DDX10: variants seen among roughly 807,000 people sequenced by gnomAD.
DDX10 encodes probable ATP-dependent RNA helicase DDX10.
Under a neutral mutation model 104.3 loss-of-function variants are expected in DDX10, and 74 were observed. The observed-to-expected ratio is 0.71, with a 90% CI of 0.59 to 0.86. The LOEUF (loss-of-function observed/expected upper bound fraction) is 0.86, where lower values mean the gene tolerates loss of function less well. Ranked by LOEUF, DDX10 falls within the 40% of genes least tolerant of loss-of-function variation. DDX10 has a pLI of 0.00. For missense variants in DDX10, 952 were observed against 1,040.0 expected, an observed-to-expected ratio of 0.92 and a Z score of 1.16; for synonymous variants, 351 against 353.4, an observed-to-expected ratio of 0.99 and a Z score of 0.08.
At chr11:108,830,496 C>T (rs1047726162) in intron 13 of DDX10, among the ~76,000 whole-genome samples, 3 of 152,094 alleles carry the variant, frequency 2.0e-5, no homozygotes, top group Non-Finnish European at 4.4e-5. Flanking sequence ...CAGCAAACAG[C>T]GACAGTTTGA....
chr11:108,733,805 T>C (rs2094315165), intron 13 of DDX10, among the ~76,000 whole-genome samples: 2 of 152,162 alleles, frequency 1.3e-5, no homozygotes, highest in African/African-American at 4.8e-5. Flanking sequence ...CTGAGTCATC[T>C]TCCTGTGAAC....
Position 108,833,813 on chromosome 11 carries a change from C to T in DDX10, c.1966-4633C>T, listed in dbSNP as rs115446829. Among the ~76,000 whole-genome samples, 432 of 152,186 alleles carry T rather than the reference C, an allele frequency of 2.8e-3. 2 individuals carry two copies. Among genetic ancestry groups the T allele is most frequent in the African/African-American group, 9.1e-3 (376 of 41,532 alleles). On this transcript the variant is annotated intron_variant, in intron 13 of 17. Transcript: ENST00000322536. Reference sequence around the variant, plus strand: ...TGGTTTCATTTTTCTGATTTTTCCCCCTTCTTTCTAGACTGGGCTATTGTG... The same window carrying T: ...TGGTTTCATTTTTCTGATTTTTCCCTCTTCTTTCTAGACTGGGCTATTGTG...
chr11:108,918,304 TTCTTA>T (rs1863779587), intron 17 of DDX10: 1 of 395,626 alleles, frequency 2.5e-6, no homozygotes, highest in Non-Finnish European at 4.4e-6. Flanking sequence ...TTTTTTTTTT[TTCTTA>T]TCTTTCTCTG....
At chr11:108,841,235 C>A in intron 14 of DDX10, 80 bp from the exon 15 acceptor site, 2 of 1,249,492 alleles carry the variant, frequency 1.6e-6, no homozygotes, top group Non-Finnish European at 2.3e-6. Flanking sequence ...TGCACCTTTT[C>A]AGAATCATCA....
At chr11:108,779,662 G>A (rs2466935) in intron 13 of DDX10, among the ~76,000 whole-genome samples, 20,229 of 151,832 alleles carry the variant, frequency 0.13, 1,645 homozygotes, top group East Asian at 0.27. Context: ...AGAACTTAAA[G>A]TAAAATAAAA....
intron 16 of DDX10, among the ~76,000 whole-genome samples, chr11:108,907,058 C>T (rs1258119842): frequency 6.6e-6 from 1 of 152,150 alleles, no homozygotes; most frequent in Non-Finnish European, 1.5e-5. Context: ...GGAATATGCT[C>T]TTTAGGGCTT....
intron 17 of DDX10, among the ~76,000 whole-genome samples, chr11:108,926,411 G>C (rs1259831151): frequency 6.6e-6 from 1 of 152,222 alleles, no homozygotes; most frequent in African/African-American, 2.4e-5. Context: ...ATGTGAAGTA[G>C]TGGTATGATG....
At chr11:108,932,930 C>G (rs1360143743) in intron 17 of DDX10, among the ~76,000 whole-genome samples, 1 of 151,950 alleles carries the variant, frequency 6.6e-6, no homozygotes, top group African/African-American at 2.4e-5. Flanking sequence ...GGAGATCCTA[C>G]TGTTACTGCA....
At chr11:108,703,207 A>G (rs191587615) in intron 9 of DDX10, among the ~76,000 whole-genome samples, 45 of 152,332 alleles carry the variant, frequency 3.0e-4, no homozygotes, top group African/African-American at 1.0e-3. Context: ...CTATTCCACA[A>G]TGTGTGTATA....
chr11:108,927,768 G>A (rs1863926929), intron 17 of DDX10, among the ~76,000 whole-genome samples: 1 of 152,080 alleles, frequency 6.6e-6, no homozygotes, highest in South Asian at 2.1e-4. Context: ...CTCCCGAGTA[G>A]CTGGGACTAC....
At chr11:108,791,702 C>T (rs1355500231) in intron 13 of DDX10, among the ~76,000 whole-genome samples, 1 of 152,182 alleles carries the variant, frequency 6.6e-6, no homozygotes, top group African/African-American at 2.4e-5. Context: ...GAATGGAAAC[C>T]TTGTTTCTCT....
intron 13 of DDX10, among the ~76,000 whole-genome samples, chr11:108,819,702 G>A (rs1316563770): frequency 6.6e-6 from 1 of 151,956 alleles, no homozygotes; most frequent in Non-Finnish European, 1.5e-5. Context: ...AGGTTCAAGC[G>A]ATTCTCCTGC....
intron 16 of DDX10, among the ~76,000 whole-genome samples, chr11:108,903,424 T>C (rs1445996293): frequency 2.6e-5 from 4 of 152,152 alleles, no homozygotes; most frequent in East Asian, 3.8e-4. Flanking sequence ...CATTTGGCTT[T>C]CCATATCTGT....
intron 16 of DDX10, among the ~76,000 whole-genome samples, chr11:108,908,517 T>G (rs1272489681): frequency 6.6e-6 from 1 of 152,224 alleles, no homozygotes; most frequent in East Asian, 1.9e-4. Context: ...TATTTTGTTT[T>G]TATGAATGCT....
intron 16 of DDX10, among the ~76,000 whole-genome samples, chr11:108,874,337 G>A (rs1334128596): frequency 1.3e-5 from 2 of 152,170 alleles, no homozygotes; most frequent in Non-Finnish European, 2.9e-5. Context: ...TACTTTAGAT[G>A]CCATTCTCAT....
chr11:108,764,702 C>T (rs1180304001), intron 13 of DDX10, among the ~76,000 whole-genome samples: 1 of 152,020 alleles, frequency 6.6e-6, no homozygotes, highest in African/African-American at 2.4e-5. Context: ...AGAATAGCTA[C>T]CCTGATACTG....
At chr11:108,856,129 A>C (rs1198091323) in intron 16 of DDX10, among the ~76,000 whole-genome samples, 2 of 152,130 alleles carry the variant, frequency 1.3e-5, no homozygotes, top group East Asian at 3.9e-4. Flanking sequence ...AGTAGTAGTT[A>C]ATTAATTTTA....
intron 16 of DDX10, among the ~76,000 whole-genome samples, chr11:108,854,541 T>G (rs1318770165): frequency 6.6e-6 from 1 of 152,138 alleles, no homozygotes; most frequent in Non-Finnish European, 1.5e-5. Context: ...TCAAAGAAGG[T>G]GGTACTTGCA....
intron 11 of DDX10, among the ~76,000 whole-genome samples, chr11:108,718,973 A>G (rs986603139): frequency 6.6e-6 from 1 of 152,190 alleles, no homozygotes; most frequent in Admixed American, 6.5e-5. Context: ...GCAAACAGGA[A>G]CTAAATATAC....
Sources: allele counts gnomAD v4.1 joint callset (sites outside exome capture counted in the v4.1 genomes callset), GRCh38; gene constraint gnomAD v4.1.1; transcripts MANE v1.5; gene names NCBI Gene and HGNC (gene_info 2026-07-23, HGNC 2026-07-21).